Variants in TMCO6 observed in about 807,000 individuals in gnomAD.
The protein encoded by TMCO6 is transmembrane and coiled-coil domains 6.
A neutral mutation model predicts 61.8 loss-of-function variants in TMCO6; 47 were observed. That is an observed-to-expected ratio of 0.76 (90% CI 0.60 to 0.97). TMCO6 has a LOEUF of 0.97. Among genes scored for constraint, TMCO6 ranks in the 50% least tolerant of loss-of-function variants. The pLI is 0.00. For synonymous variants in TMCO6, 261 were observed against 254.2 expected (o/e 1.03, Z -0.25); for missense variants, 557 against 601.6 (o/e 0.93, Z 0.78).
At chr5:140,605,259 A>G in the TMCO6 span, among the ~76,000 whole-genome samples, 1 of 152,214 alleles carries the variant, frequency 6.6e-6, no homozygotes, top group South Asian at 2.1e-4. Context: ...CTATTTATAG[A>G]ATCATATCAT....
chr5:140,627,209 T>A, the TMCO6 span, among the ~76,000 whole-genome samples: 6 of 152,168 alleles, frequency 3.9e-5, no homozygotes, highest in Admixed American at 1.3e-4. Flanking sequence ...GCAACTTTTT[T>A]TTTTTTTTGG....
At chr5:140,620,076 A>T in the TMCO6 span, among the ~76,000 whole-genome samples, 2 of 152,238 alleles carry the variant, frequency 1.3e-5, no homozygotes, top group Non-Finnish European at 2.9e-5. Flanking sequence ...AAACTTGCTC[A>T]TGGGTGTTTA....
the TMCO6 span, among the ~76,000 whole-genome samples, chr5:140,597,027 A>G: frequency 6.6e-6 from 1 of 152,196 alleles, no homozygotes; most frequent in Non-Finnish European, 1.5e-5. Context: ...AATTCTAAAG[A>G]TTTTTGAAGC....
chr5:140,617,405 T>G, the TMCO6 span, among the ~76,000 whole-genome samples: 1 of 152,102 alleles, frequency 6.6e-6, no homozygotes, highest in Non-Finnish European at 1.5e-5. Context: ...GTACTAAAAA[T>G]TAGCCAAGTG....
upstream of TMCO6, among the ~76,000 whole-genome samples, chr5:140,637,262 G>C (rs5744441): frequency 2.6e-5 from 4 of 152,030 alleles, no homozygotes; most frequent in East Asian, 5.8e-4. Context: ...GTAGGGCTAA[G>C]TCGGCCACAA....
the TMCO6 span, among the ~76,000 whole-genome samples, chr5:140,614,780 A>C: frequency 2.6e-5 from 4 of 151,916 alleles, no homozygotes; most frequent in Non-Finnish European, 5.9e-5. Flanking sequence ...ACGCCTGGCT[A>C]ATTTTTTGTA....
chr5:140,623,474 T>A, the TMCO6 span, among the ~76,000 whole-genome samples: 9 of 152,092 alleles, frequency 5.9e-5, no homozygotes, highest in Middle Eastern at 3.2e-3. Context: ...TGGATGTTAA[T>A]CTGACTGGGC....
At chr5:140,625,525 C>T in the TMCO6 span, among the ~76,000 whole-genome samples, 43,652 of 152,082 alleles carry the variant, frequency 0.29, 6,477 homozygotes, top group African/African-American at 0.31. Context: ...GAGGTCTATT[C>T]TAACAACTAT....
the TMCO6 span, among the ~76,000 whole-genome samples, chr5:140,622,403 C>G: frequency 6.6e-6 from 1 of 152,198 alleles, no homozygotes; most frequent in African/African-American, 2.4e-5. Flanking sequence ...GTAGCCCCTG[C>G]TATCTGCTCA....
upstream of TMCO6, chr5:140,639,074 T>A (rs954925809): frequency 1.2e-5 from 2 of 167,462 alleles, no homozygotes; most frequent in Non-Finnish European, 2.6e-5. Context: ...CAAGCGTTTT[T>A]GGCAGCTCTC....
the TMCO6 span, among the ~76,000 whole-genome samples, chr5:140,623,994 A>G: frequency 6.6e-6 from 1 of 152,166 alleles, no homozygotes; most frequent in Non-Finnish European, 1.5e-5. Context: ...TCCAACTGTC[A>G]CCATGTTTTT....
chr5:140,633,436 C>G, the TMCO6 span: 7 of 441,396 alleles, frequency 1.6e-5, no homozygotes, highest in Non-Finnish European at 3.0e-5. Flanking sequence ...GACTCGGGAG[C>G]CTAAGCCTTC....
At chr5:140,628,700 A>T in the TMCO6 span, among the ~76,000 whole-genome samples, 1 of 152,178 alleles carries the variant, frequency 6.6e-6, no homozygotes, top group Non-Finnish European at 1.5e-5. Flanking sequence ...TCGGCCTTCC[A>T]AAGTGCTGAG....
Position 140,643,931 on chromosome 5 carries a change from T to A in TMCO6, c.1070T>A (p.Leu357His). The A allele has an allele frequency of 6.2e-7, 1 of 1,614,198 alleles. No homozygotes were observed. Among genetic ancestry groups the A allele is most frequent in the Non-Finnish European group, 8.5e-7 (1 of 1,180,024 alleles). The change falls in exon 9 of 12, where the codon CTC becomes CAC. Residue 357 changes from leucine (L) to histidine (H), a missense_variant. Physicochemically the swap from Leu to His is moderately conservative, Grantham distance 99 (BLOSUM62 -3). Coordinates refer to ENST00000394671, the MANE Select transcript of TMCO6 (RefSeq NM_018502.5). ...TTTTTCCAGAAACAGCCCAGTCTGC[T>A]CCCTGAGGGCCTTTGGCTCCTCAAC... is the stretch of plus-strand genomic sequence containing the variant. Reference protein sequence around the residue: ...QFFFQKQPSLLPEGLWLLNNL... With the variant: ...QFFFQKQPSLHPEGLWLLNNL...
At chr5:140,617,853 A>G in the TMCO6 span, among the ~76,000 whole-genome samples, 1 of 152,180 alleles carries the variant, frequency 6.6e-6, no homozygotes, top group South Asian at 2.1e-4. Flanking sequence ...AGAAAATAGC[A>G]TGTGTTCAAT....
the TMCO6 span, among the ~76,000 whole-genome samples, chr5:140,629,375 T>C: frequency 6.6e-6 from 1 of 152,182 alleles, no homozygotes. Flanking sequence ...ATCTCCCACA[T>C]GCTTTAAATC....
Position 140,642,302 on chromosome 5 carries a change from T to C in TMCO6, c.499-13T>C, listed in dbSNP as rs1312902466. 1.2e-6 allele frequency: 2 copies of C among 1,601,712 alleles called. No homozygotes were observed. The highest frequency in any genetic ancestry group is 1.7e-6 in the Non-Finnish European group (2 of 1,173,130). ...AACAGGCCAAGCCCAGTGCTTTTGTTGCCTGTTCTCAGGAGCTGTGTCTGT... is the reference window on the plus strand; with the variant it reads ...AACAGGCCAAGCCCAGTGCTTTTGTCGCCTGTTCTCAGGAGCTGTGTCTGT... On this transcript the variant is annotated splice_polypyrimidine_tract_variant and intron_variant, in intron 4 of 11. Coordinates refer to ENST00000394671, the MANE Select transcript of TMCO6 (RefSeq NM_018502.5).
the TMCO6 span, among the ~76,000 whole-genome samples, chr5:140,600,831 C>T: frequency 6.6e-6 from 1 of 152,148 alleles, no homozygotes; most frequent in South Asian, 2.1e-4. Context: ...CGGTCAGATA[C>T]AATATCCCCA....
the TMCO6 span, among the ~76,000 whole-genome samples, chr5:140,596,641 G>A: frequency 1.3e-5 from 2 of 152,176 alleles, no homozygotes; most frequent in African/African-American, 2.4e-5. Context: ...GATAAGGAGC[G>A]ACTGGCTGGA....
Sources: allele counts gnomAD v4.1 joint callset (sites outside exome capture counted in the v4.1 genomes callset), GRCh38; gene constraint gnomAD v4.1.1; transcripts MANE v1.5; gene names NCBI Gene and HGNC (gene_info 2026-07-23, HGNC 2026-07-21).